PTPRT: variants seen among roughly 807,000 people sequenced by gnomAD.
PTPRT encodes receptor-type tyrosine-protein phosphatase T.
A neutral mutation model predicts 176.8 loss-of-function variants in PTPRT; 56 were observed. That is an observed-to-expected ratio of 0.32 (90% CI 0.26 to 0.40). The LOEUF (loss-of-function observed/expected upper bound fraction) is 0.40, where lower values mean the gene tolerates loss of function less well. PTPRT is among the 10% of genes least tolerant of loss of function. PTPRT has a pLI of 1.00. For missense variants in PTPRT, 1,540 were observed against 1,908.2 expected (o/e 0.81, Z 3.60); for synonymous variants, 783 against 739.0 (o/e 1.06, Z -0.96).
intron 30 of PTPRT, 72 bp from the exon 31 acceptor site, chr20:42,081,004 A>C: frequency 7.7e-7 from 1 of 1,296,042 alleles, no homozygotes; most frequent in Non-Finnish European, 1.1e-6. Context: ...GAAAGGGAAA[A>C]TGCATTTAGT....
chr20:42,533,003 G>A (rs994171188), intron 7 of PTPRT, among the ~76,000 whole-genome samples: 4 of 152,088 alleles, frequency 2.6e-5, no homozygotes, highest in African/African-American at 7.2e-5. Context: ...CCCCAGCAGC[G>A]CCTTTTAATG....
At chr20:42,107,547 T>C (rs540504611) in intron 23 of PTPRT, among the ~76,000 whole-genome samples, 1 of 152,346 alleles carries the variant, frequency 6.6e-6, no homozygotes, top group East Asian at 1.9e-4. Context: ...AGACCAAGTA[T>C]AAAATGGTAG....
At chr20:42,396,053 G>C (rs74627472) in intron 9 of PTPRT, among the ~76,000 whole-genome samples, 2,631 of 152,126 alleles carry the variant, frequency 0.017, 76 homozygotes, top group African/African-American at 0.059. Context: ...TGGCATATCT[G>C]TCTACTTGAT....
At chr20:42,838,398 C>T (rs1254781750) in intron 2 of PTPRT, among the ~76,000 whole-genome samples, 2 of 152,198 alleles carry the variant, frequency 1.3e-5, no homozygotes, top group African/African-American at 2.4e-5. Flanking sequence ...AGCCCTTGCC[C>T]CTCTGGGTAC....
intron 1 of PTPRT, among the ~76,000 whole-genome samples, chr20:42,908,578 C>T (rs1234663585): frequency 6.6e-6 from 1 of 152,054 alleles, no homozygotes; most frequent in African/African-American, 2.4e-5. Context: ...AGACTAGAAA[C>T]TTCAGTGTCC....
At chr20:42,476,465 C>G (rs755287515) in intron 7 of PTPRT, among the ~76,000 whole-genome samples, 1 of 152,120 alleles carries the variant, frequency 6.6e-6, no homozygotes. Context: ...GGGTTGAGGT[C>G]GGCATGCCTT....
At chr20:43,010,652 G>T (rs919173806) in intron 1 of PTPRT, among the ~76,000 whole-genome samples, 2 of 151,542 alleles carry the variant, frequency 1.3e-5, no homozygotes, top group African/African-American at 4.9e-5. Flanking sequence ...CATCATCATC[G>T]CATTATCATT....
At chr20:42,755,954 A>G (rs754580244) in intron 6 of PTPRT, among the ~76,000 whole-genome samples, 3 of 152,252 alleles carry the variant, frequency 2.0e-5, no homozygotes, top group Non-Finnish European at 2.9e-5. Flanking sequence ...GAAAGCATGT[A>G]AACAGTATCT....
At chr20:43,064,239 C>T (rs1355561552) in intron 1 of PTPRT, among the ~76,000 whole-genome samples, 1 of 152,098 alleles carries the variant, frequency 6.6e-6, no homozygotes, top group East Asian at 1.9e-4. Context: ...AAACCTCCTA[C>T]CCCATCCTCC....
chr20:42,791,486 G>A lies in PTPRT; in HGVS notation c.215-20C>T, dbSNP rs1237616529. ...AAGATCCTGGAGACCCACAAAGCAGGTGGGAAGTAGAGACAAAGAGAAAGT... is the reference window on the plus strand; with the variant it reads ...AAGATCCTGGAGACCCACAAAGCAGATGGGAAGTAGAGACAAAGAGAAAGT... On this transcript the variant is annotated intron_variant, in intron 2 of 30. Transcript: ENST00000373187. 2 of 1,596,208 alleles carry A rather than the reference G, an allele frequency of 1.3e-6. No homozygotes were observed. Among genetic ancestry groups the A allele is most frequent in the Admixed American group, 1.8e-5 (1 of 56,546 alleles).
At chr20:42,748,175 A>G (rs1600694045) in intron 6 of PTPRT, among the ~76,000 whole-genome samples, 4 of 152,326 alleles carry the variant, frequency 2.6e-5, no homozygotes, top group Admixed American at 2.6e-4. Context: ...TGGAAAGCTG[A>G]AACTATTGAC....
intron 2 of PTPRT, among the ~76,000 whole-genome samples, chr20:42,884,358 T>C (rs1303563913): frequency 2.0e-5 from 3 of 152,130 alleles, no homozygotes; most frequent in African/African-American, 7.2e-5. Context: ...GAGCTATCCA[T>C]AACCATCCAG....
chr20:42,590,685 T>C (rs2073552986), intron 7 of PTPRT, among the ~76,000 whole-genome samples: 1 of 152,148 alleles, frequency 6.6e-6, no homozygotes, highest in African/African-American at 2.4e-5. Flanking sequence ...GGAGTCAGTG[T>C]CAATTAGATG....
intron 15 of PTPRT, among the ~76,000 whole-genome samples, chr20:42,222,178 C>T (rs1329635430): frequency 6.6e-6 from 1 of 152,198 alleles, no homozygotes; most frequent in Non-Finnish European, 1.5e-5. Flanking sequence ...ATGATGAGAA[C>T]ACAGCACTAG....
rs528727587 is a variant in PTPRT, at chr20:42,110,681, G to A, written c.3100-194C>T. ...TTGGGAAATATGGGATTGTTAAAAC[G>A]AAACCGATGGCTTTATTGCAGGATT... On this transcript the variant is annotated intron_variant, in intron 22 of 30. Coordinates refer to ENST00000373187, the MANE Select transcript of PTPRT (RefSeq NM_007050.6). Among the ~76,000 whole-genome samples, 120 of 152,280 alleles carry A rather than the reference G, an allele frequency of 7.9e-4. 1 individual carries two copies. The highest frequency in any genetic ancestry group is 2.9e-3 in the South Asian group (14 of 4,820).
intron 11 of PTPRT, among the ~76,000 whole-genome samples, chr20:42,336,434 G>T (rs1009937289): frequency 6.6e-6 from 1 of 152,122 alleles, no homozygotes; most frequent in South Asian, 2.1e-4. Context: ...ACTGGGGGAG[G>T]GGGGGTTGTA....
chr20:43,081,137 T>C (rs1245558509), intron 1 of PTPRT, among the ~76,000 whole-genome samples: 3 of 152,244 alleles, frequency 2.0e-5, no homozygotes, highest in Admixed American at 1.3e-4. Flanking sequence ...GATATAAATT[T>C]GGTATTACAC....
chr20:42,858,059 T>C (rs1344945052), intron 2 of PTPRT, among the ~76,000 whole-genome samples: 3 of 152,162 alleles, frequency 2.0e-5, no homozygotes, highest in Non-Finnish European at 4.4e-5. Context: ...TCAGTACATG[T>C]TTGTTGAATT....
the PTPRT span, among the ~76,000 whole-genome samples, chr20:42,065,085 G>A: frequency 4.6e-5 from 7 of 152,300 alleles, no homozygotes; most frequent in East Asian, 1.9e-4. Flanking sequence ...CATGTGAGTC[G>A]TCCTGGACAT....
Sources: allele counts gnomAD v4.1 joint callset (sites outside exome capture counted in the v4.1 genomes callset), GRCh38; gene constraint gnomAD v4.1.1; transcripts MANE v1.5; gene names NCBI Gene and HGNC (gene_info 2026-07-23, HGNC 2026-07-21).